The following CSMD1 variants were observed in gnomAD, a reference collection of about 807,000 sequenced individuals.
CSMD1 encodes CUB and sushi domain-containing protein 1.
A neutral mutation model predicts 417.5 loss-of-function variants in CSMD1; 213 were observed. The observed-to-expected ratio is 0.51, with a 90% CI of 0.46 to 0.57. The LOEUF (loss-of-function observed/expected upper bound fraction) is 0.57. Ranked by LOEUF, CSMD1 falls within the 20% of genes least tolerant of loss-of-function variation. The pLI, the probability that CSMD1 is intolerant of heterozygous loss-of-function variation, is 0.00. For missense variants in CSMD1, 6,923 were observed against 4,529.7 expected, an observed-to-expected ratio of 1.53 and a Z score of -15.17; for synonymous variants, 2,862 against 1,736.8, an observed-to-expected ratio of 1.65 and a Z score of -16.11.
At chr8:3,906,626 C>CTT (rs200562415) in intron 5 of CSMD1, among the ~76,000 whole-genome samples, 1,959 of 139,904 alleles carry the variant, frequency 0.014, 44 homozygotes, top group African/African-American at 0.048. Context: ...CAAACCTAAG[C>CTT]TTTTTTTTTT....
chr8:3,962,396 C>A (rs1370559963), intron 5 of CSMD1, among the ~76,000 whole-genome samples: 1 of 152,182 alleles, frequency 6.6e-6, no homozygotes, highest in African/African-American at 2.4e-5. Flanking sequence ...TGTCACCACG[C>A]AGTCCTGAAT....
At chr8:3,176,804 G>A (rs1328088493) in intron 37 of CSMD1, among the ~76,000 whole-genome samples, 1 of 150,276 alleles carries the variant, frequency 6.7e-6, no homozygotes, top group East Asian at 2.0e-4. Context: ...CTTGAGACAG[G>A]GTCTTGCTCT....
intron 8 of CSMD1, among the ~76,000 whole-genome samples, chr8:3,588,765 A>G (rs1366369793): frequency 6.6e-6 from 1 of 152,154 alleles, no homozygotes; most frequent in African/African-American, 2.4e-5. Flanking sequence ...CGCACAGTAA[A>G]GGAAACAACA....
Position 4,448,317 on chromosome 8 carries a change from G to C in CSMD1, c.303-28252C>G, listed in dbSNP as rs78707414. On this transcript the variant is annotated intron_variant, in intron 2 of 69. Coordinates refer to ENST00000635120, the MANE Select transcript of CSMD1 (RefSeq NM_033225.6). ...AGGGTACATTTTGTTTGCCGATCTA[G>C]GAGGATTTTTAATTTAAAAAGCCTT... Among the ~76,000 whole-genome samples the C allele has an allele frequency of 3.3e-4, 50 of 152,260 alleles. No individual in the cohort carries two copies. In the East Asian group the frequency reaches 6.9e-3, roughly 21 times the overall value.
chr8:3,914,470 T>G (rs1278059619), intron 5 of CSMD1, among the ~76,000 whole-genome samples: 1 of 152,212 alleles, frequency 6.6e-6, no homozygotes, highest in Non-Finnish European at 1.5e-5. Flanking sequence ...TATTATATCA[T>G]GTTTTGAGTA....
At chr8:3,491,455 G>C (rs1032592581) in intron 11 of CSMD1, among the ~76,000 whole-genome samples, 1 of 152,158 alleles carries the variant, frequency 6.6e-6, no homozygotes, top group South Asian at 2.1e-4. Flanking sequence ...AGTTAGCTAG[G>C]ACATTACTAG....
At chr8:3,122,729 C>T (rs1421695117) in intron 41 of CSMD1, among the ~76,000 whole-genome samples, 3 of 151,718 alleles carry the variant, frequency 2.0e-5, no homozygotes, top group Admixed American at 6.5e-5. Flanking sequence ...CCTTTCACCT[C>T]CCACCATGAT....
intron 10 of CSMD1, among the ~76,000 whole-genome samples, chr8:3,541,632 G>A (rs1002164412): frequency 1.5e-4 from 22 of 149,640 alleles, no homozygotes; most frequent in African/African-American, 1.7e-4. Context: ...ACAGGTAGAC[G>A]TTCTTCACTA....
In CSMD1 at chr8:4,593,213, T is replaced by C. The variant is rs139737254; in HGVS notation, c.302+44129A>G. Among the ~76,000 whole-genome samples, 421 of 152,326 alleles carry C rather than the reference T, an allele frequency of 2.8e-3. 1 individual carries two copies. The highest frequency in any genetic ancestry group is 4.8e-3 in the Non-Finnish European group (325 of 68,026). Reference sequence around the variant, plus strand: ...AATGGGCCCTACAGAATCTGCCTTTTGCTGCTGCTGAAAAGCAAGGTTAAT... The same window carrying C: ...AATGGGCCCTACAGAATCTGCCTTTCGCTGCTGCTGAAAAGCAAGGTTAAT... On this transcript the variant is annotated intron_variant, in intron 2 of 69. Coordinates refer to ENST00000635120, the MANE Select transcript of CSMD1 (RefSeq NM_033225.6).
chr8:4,961,378 T>C lies in CSMD1; in HGVS notation c.85+32954A>G, dbSNP rs1585413767. On this transcript the variant is annotated intron_variant, in intron 1 of 69. Transcript: ENST00000635120. ...CCTGACCTGATTGCCCCTGAGGCAT[T>C]CAGTAGAATGTTTGTCTCAACTTCA... is the stretch of plus-strand genomic sequence containing the variant. Among the ~76,000 whole-genome samples, 3 of 152,146 alleles carry C rather than the reference T, an allele frequency of 2.0e-5. No individual in the cohort carries two copies. In the South Asian group the frequency reaches 6.2e-4, roughly 32 times the overall value.
chr8:4,442,922 T>C (rs1402190040), intron 2 of CSMD1, among the ~76,000 whole-genome samples: 1 of 152,156 alleles, frequency 6.6e-6, no homozygotes. Context: ...TAAACATAAA[T>C]GATATTTGTC....
chr8:4,410,053 C>G (rs1796564661), intron 3 of CSMD1, among the ~76,000 whole-genome samples: 1 of 152,102 alleles, frequency 6.6e-6, no homozygotes, highest in Non-Finnish European at 1.5e-5. Context: ...ACCTTGTGAT[C>G]CACACCTGCC....
At chr8:4,180,835 A>C (rs570089002) in intron 3 of CSMD1, among the ~76,000 whole-genome samples, 1 of 152,118 alleles carries the variant, frequency 6.6e-6, no homozygotes, top group Admixed American at 6.6e-5. Context: ...CAAAATAACA[A>C]CAATTATGAT....
intron 7 of CSMD1, among the ~76,000 whole-genome samples, chr8:3,639,513 G>T (rs1208168576): frequency 6.6e-6 from 1 of 152,138 alleles, no homozygotes; most frequent in Non-Finnish European, 1.5e-5. Context: ...GACAGTAAAA[G>T]ACACAGATAA....
In CSMD1 at chr8:3,727,912, T is replaced by A. The variant is rs919384149; in HGVS notation, c.932-19421A>T. Among the ~76,000 whole-genome samples the A allele has an allele frequency of 4.6e-5, 7 of 152,238 alleles. No individual in the cohort carries two copies. In the East Asian group the frequency reaches 1.4e-3, roughly 29 times the overall value. ...ATCGATAATTAGATACTTAGAGTAG[T>A]CAAATTCAAAGAGCGGCAGGGAGGA... On this transcript the variant is annotated intron_variant, in intron 6 of 69. Coordinates refer to ENST00000635120, the MANE Select transcript of CSMD1 (RefSeq NM_033225.6).
chr8:4,074,951 G>T (rs932006528), intron 3 of CSMD1, among the ~76,000 whole-genome samples: 1 of 151,982 alleles, frequency 6.6e-6, no homozygotes, highest in Non-Finnish European at 1.5e-5. Context: ...ATATTTTTGT[G>T]TGACAGTTTG....
At chr8:4,239,358 C>T (rs1220306728) in intron 3 of CSMD1, among the ~76,000 whole-genome samples, 1 of 152,184 alleles carries the variant, frequency 6.6e-6, no homozygotes, top group African/African-American at 2.4e-5. Context: ...GTGGAACTGC[C>T]AATGAAGCTG....
At chr8:4,944,246 G>T (rs982645768) in intron 1 of CSMD1, among the ~76,000 whole-genome samples, 3 of 152,126 alleles carry the variant, frequency 2.0e-5, no homozygotes, top group Admixed American at 2.0e-4. Context: ...AAAGTAGAGC[G>T]ACCTCAACAG....
intron 23 of CSMD1, among the ~76,000 whole-genome samples, chr8:3,334,278 G>A (rs748351611): frequency 6.6e-6 from 1 of 152,156 alleles, no homozygotes; most frequent in Non-Finnish European, 1.5e-5. Context: ...TTCACCTTCA[G>A]GTTTGTTTCC....
Sources: gnomAD v4.1 joint callset for allele counts (sites outside exome capture counted in the v4.1 genomes callset) on GRCh38, gnomAD v4.1.1 for gene constraint, MANE v1.5 for transcripts, NCBI Gene and HGNC (gene_info 2026-07-23, HGNC 2026-07-21) for gene names.